TRIM9: variants seen among roughly 807,000 people sequenced by gnomAD.
TRIM9 encodes E3 ubiquitin-protein ligase TRIM9.
In TRIM9, 26 loss-of-function variants were observed where a neutral mutation model predicts 78.3. The ratio of observed to expected loss-of-function variants is 0.33; its 90% CI spans 0.24 to 0.46. TRIM9 has a LOEUF of 0.46. Ranked by LOEUF, TRIM9 falls within the 20% of genes least tolerant of loss-of-function variation. TRIM9 has a pLI of 1.00. For missense variants in TRIM9, 787 were observed against 1,036.4 expected (o/e 0.76, Z 3.30); for synonymous variants, 398 against 416.5 (o/e 0.96, Z 0.54).
rs573038644 is a variant in TRIM9 at position 51,032,513 on chromosome 14, C to T, written c.823-7153G>A. 2.0e-5 allele frequency among the ~76,000 whole-genome samples: 3 copies of T among 152,346 alleles called. No homozygotes were observed. In the South Asian group the frequency reaches 6.2e-4, roughly 32 times the overall value. On this transcript the variant is annotated intron_variant, in intron 1 of 12. Transcript: ENST00000684578. Reference sequence around the variant, plus strand: ...CAAGTGAATGGCTGGGGCCCCCTTGCTTCAATTTTGGACAACCCTGAAGAA... The same window carrying T: ...CAAGTGAATGGCTGGGGCCCCCTTGTTTCAATTTTGGACAACCCTGAAGAA...
At chr14:51,075,229 C>T (rs2062660400) in intron 1 of TRIM9, among the ~76,000 whole-genome samples, 1 of 152,144 alleles carries the variant, frequency 6.6e-6, no homozygotes, top group African/African-American at 2.4e-5. Flanking sequence ...AGTTTGTCTA[C>T]CCTATTTAGC....
chr14:50,977,195 G>T lies in TRIM9; in HGVS notation c.*96C>A. On this transcript the variant is annotated 3_prime_UTR_variant, in exon 13 of 13. Coordinates refer to ENST00000684578, the MANE Select transcript of TRIM9 (RefSeq NM_001387360.1). Reference sequence around the variant, plus strand: ...TTTCTCTCCTCCTTCTCCCACTCCTGCCAACTCTGCACCCCACCACGGCTG... The same window carrying T: ...TTTCTCTCCTCCTTCTCCCACTCCTTCCAACTCTGCACCCCACCACGGCTG... The T allele has an allele frequency of 1.9e-6, 2 of 1,045,000 alleles. No homozygotes were observed. Among genetic ancestry groups the T allele is most frequent in the Non-Finnish European group, 2.6e-6 (2 of 767,068 alleles). The allele number at this position is 1,045,000 out of a possible 1,614,324, so 64.7% of individuals were successfully genotyped here. A position where few individuals can be genotyped will look rare whatever the true frequency, so the allele number is the denominator to read the frequency against.
intron 1 of TRIM9, among the ~76,000 whole-genome samples, chr14:51,088,124 T>C (rs956592989): frequency 2.6e-5 from 4 of 152,244 alleles, no homozygotes; most frequent in East Asian, 1.9e-4. Flanking sequence ...TAAGAATTAA[T>C]GCAAGATTTA....
At chr14:51,001,276 T>G (rs140218289) in intron 5 of TRIM9, among the ~76,000 whole-genome samples, 1 of 149,794 alleles carries the variant, frequency 6.7e-6, no homozygotes, top group Non-Finnish European at 1.5e-5. Flanking sequence ...GTCGCCCAGG[T>G]TGGAGTGCAG....
chr14:51,074,046 T>C (rs1037822725), intron 1 of TRIM9, among the ~76,000 whole-genome samples: 2 of 152,142 alleles, frequency 1.3e-5, no homozygotes, highest in African/African-American at 4.8e-5. Context: ...AGCACACCAC[T>C]GAATAGCAAC....
In TRIM9 at chr14:51,027,396, G is replaced by A. The variant is rs569963298; in HGVS notation, c.823-2036C>T. ...TGACCTCAGGTGATCCACCCACCTC[G>A]ACCTCCCAAAGTGCTGGGATTACAG... On this transcript the variant is annotated intron_variant, in intron 1 of 12. Coordinates refer to ENST00000684578, the MANE Select transcript of TRIM9 (RefSeq NM_001387360.1). Among the ~76,000 whole-genome samples, 20 of 152,014 alleles carry A rather than the reference G, an allele frequency of 1.3e-4. No homozygotes were observed. The South Asian group carries it at 1.7e-3, about 13-fold the overall frequency.
intron 3 of TRIM9, among the ~76,000 whole-genome samples, chr14:51,020,869 CT>C (rs1173680222): frequency 1.3e-5 from 2 of 152,200 alleles, no homozygotes; most frequent in Non-Finnish European, 2.9e-5. Context: ...TGGAGTTGCC[CT>C]ACCATCACCA....
chr14:51,068,507 T>C (rs2061944815), intron 1 of TRIM9, among the ~76,000 whole-genome samples: 1 of 152,224 alleles, frequency 6.6e-6, no homozygotes, highest in Admixed American at 6.5e-5. Context: ...CCAAGTACTT[T>C]ATGTGGAAAA....
At position 51,015,349 on chromosome 14, in the gene TRIM9, G is replaced by GT. The variant is rs1453018756; in HGVS notation, c.1042-4856_1042-4855insA. ...GGCAGTTCATGTGACACAACCAGAA[G>GT]CAAGACCTGAGGTTAATTAGGAGAA... On this transcript the variant is annotated intron_variant, in intron 3 of 12. Coordinates refer to ENST00000684578, the MANE Select transcript of TRIM9 (RefSeq NM_001387360.1). 2.2e-3 allele frequency among the ~76,000 whole-genome samples: 331 copies of GT among 152,086 alleles called. 1 individual carries two copies. The highest frequency in any genetic ancestry group is 7.3e-3 in the African/African-American group (302 of 41,470).
intron 7 of TRIM9, among the ~76,000 whole-genome samples, chr14:50,990,061 G>A (rs188675120): frequency 7.9e-5 from 12 of 152,234 alleles, no homozygotes; most frequent in South Asian, 2.1e-4. Flanking sequence ...TGGTCATCCA[G>A]GCTAGAGTGT....
At chr14:50,999,239 G>T (rs1308938440) in intron 6 of TRIM9, among the ~76,000 whole-genome samples, 2 of 151,904 alleles carry the variant, frequency 1.3e-5, no homozygotes, top group Non-Finnish European at 2.9e-5. Context: ...GGGAAAACCG[G>T]GAGAGTTACT....
At chr14:51,071,301 G>A (rs548816785) in intron 1 of TRIM9, among the ~76,000 whole-genome samples, 21 of 151,256 alleles carry the variant, frequency 1.4e-4, no homozygotes, top group South Asian at 4.2e-4. Context: ...GCTTGAACCC[G>A]GGAGGTGGAG....
At chr14:51,055,067 C>A (rs977217560) in intron 1 of TRIM9, among the ~76,000 whole-genome samples, 2 of 152,108 alleles carry the variant, frequency 1.3e-5, no homozygotes, top group Non-Finnish European at 2.9e-5. Context: ...CGTGATCCGT[C>A]CGCCTCGGCC....
Position 50,977,254 on chromosome 14 carries a change from G to A in TRIM9, c.*37C>T. The A allele has an allele frequency of 7.0e-7, 1 of 1,427,376 alleles. No homozygotes were observed. Among genetic ancestry groups the A allele is most frequent in the Non-Finnish European group, 9.3e-7 (1 of 1,077,860 alleles). 88.4% of individuals were successfully genotyped at this position (1,427,376 alleles called of 1,614,324 possible). A position where few individuals can be genotyped will look rare whatever the true frequency, so the allele number is the denominator to read the frequency against. On this transcript the variant is annotated 3_prime_UTR_variant, in exon 13 of 13. Coordinates refer to ENST00000684578, the MANE Select transcript of TRIM9 (RefSeq NM_001387360.1). Reference sequence around the variant, plus strand: ...CCTTGCTGTGGCTCTCGCAGGCGGAGGTAAGAACAGGCAGCTGGCGCCTCC... The same window carrying A: ...CCTTGCTGTGGCTCTCGCAGGCGGAAGTAAGAACAGGCAGCTGGCGCCTCC...
chr14:51,010,336 G>A (rs760131845), intron 4 of TRIM9, 48 bp downstream of exon 4: 3 of 1,486,064 alleles, frequency 2.0e-6, no homozygotes, highest in Non-Finnish European at 2.8e-6. Flanking sequence ...CCTAGACTAT[G>A]TCCTATGGGA....
At chr14:51,072,913 T>C (rs903290705) in intron 1 of TRIM9, among the ~76,000 whole-genome samples, 1 of 152,210 alleles carries the variant, frequency 6.6e-6, no homozygotes, top group Non-Finnish European at 1.5e-5. Flanking sequence ...AGTGATAAAC[T>C]GTTTCTGATT....
intron 6 of TRIM9, among the ~76,000 whole-genome samples, chr14:50,998,413 TA>T (rs1021014488): frequency 6.6e-6 from 1 of 152,194 alleles, no homozygotes; most frequent in African/African-American, 2.4e-5. Flanking sequence ...GAGGATTACT[TA>T]ATGTTGTATA....
At position 51,022,949 on chromosome 14, in the gene TRIM9, A is replaced by G. The variant is rs2057896301; in HGVS notation, c.927T>C (p.Ser309=). The G allele has an allele frequency of 1.2e-6, 2 of 1,613,938 alleles. No individual in the cohort carries two copies. The highest frequency in any genetic ancestry group is 1.7e-6 in the Non-Finnish European group (2 of 1,180,010). Residue 309 remains serine, a synonymous_variant, in exon 3 of 13, where the codon AGT becomes AGC. Coordinates refer to ENST00000684578, the MANE Select transcript of TRIM9 (RefSeq NM_001387360.1). ...CCACCAGACAGGCTTCAAACTCCAC[A>G]CTGTTCTCCTGTGTAACAGAGCACA... ...RNMVQQIQEN[S]VEFEACLVAQ...
chr14:51,068,716 A>C (rs2061962216), intron 1 of TRIM9, among the ~76,000 whole-genome samples: 1 of 152,158 alleles, frequency 6.6e-6, no homozygotes, highest in South Asian at 2.1e-4. Context: ...AAGGATGTAA[A>C]GTTATGTAGA....
Sources: gnomAD v4.1 joint callset for allele counts (sites outside exome capture counted in the v4.1 genomes callset) on GRCh38, gnomAD v4.1.1 for gene constraint, MANE v1.5 for transcripts, NCBI Gene and HGNC (gene_info 2026-07-23, HGNC 2026-07-21) for gene names.